The following SDK1 variants were observed in gnomAD, a reference collection of about 807,000 sequenced individuals.
The protein encoded by SDK1 is protein sidekick-1.
SDK1 carries 157 observed loss-of-function variants against 245.5 expected under a neutral mutation model. The observed-to-expected ratio is 0.64, with a 90% confidence interval of 0.56 to 0.73. SDK1 has a LOEUF of 0.73. Among genes scored for constraint, SDK1 ranks in the 30% least tolerant of loss-of-function variants. The probability of loss-of-function intolerance (pLI) is 0.00; values close to 1 mark genes in which losing one functional copy is unlikely to be tolerated. For synonymous variants in SDK1, 1,647 were observed against 1,278.5 expected, an observed-to-expected ratio of 1.29 and a Z score of -6.15; for missense variants, 3,583 against 3,002.3, an observed-to-expected ratio of 1.19 and a Z score of -4.52.
intron 1 of SDK1, among the ~76,000 whole-genome samples, chr7:3,556,719 G>T (rs1346350829): frequency 6.6e-6 from 1 of 152,156 alleles, no homozygotes; most frequent in Admixed American, 6.5e-5. Flanking sequence ...CTACTCTGGA[G>T]ACTGAGGCAG....
chr7:3,802,405 C>T (rs895968231), intron 4 of SDK1, among the ~76,000 whole-genome samples: 15 of 151,996 alleles, frequency 9.9e-5, no homozygotes, highest in Admixed American at 2.0e-4. Context: ...CATGGTGGCA[C>T]GCACCTGTAG....
intron 1 of SDK1, among the ~76,000 whole-genome samples, chr7:3,584,624 G>C (rs994083898): frequency 1.3e-5 from 2 of 152,150 alleles, no homozygotes; most frequent in Admixed American, 6.5e-5. Context: ...GCTTCTGAGA[G>C]AACTTTCCAG....
chr7:3,788,462 T>C (rs1188567349), intron 4 of SDK1, among the ~76,000 whole-genome samples: 3 of 152,164 alleles, frequency 2.0e-5, no homozygotes, highest in South Asian at 2.1e-4. Context: ...CCACCCAGTC[T>C]GCATTTGAAG....
chr7:3,871,439 A>T (rs1780954067), intron 5 of SDK1, among the ~76,000 whole-genome samples: 1 of 152,202 alleles, frequency 6.6e-6, no homozygotes, highest in African/African-American at 2.4e-5. Context: ...ACTGTAGTAC[A>T]GGGGATGTGT....
intron 1 of SDK1, among the ~76,000 whole-genome samples, chr7:3,427,268 C>A (rs1019061698): frequency 6.6e-6 from 1 of 151,962 alleles, no homozygotes; most frequent in Non-Finnish European, 1.5e-5. Flanking sequence ...ACCTGTAATC[C>A]CACACTTTGG....
chr7:4,178,405 T>G, intron 34 of SDK1, 80 bp from the exon 35 acceptor site: 1 of 1,022,192 alleles, frequency 9.8e-7, no homozygotes, highest in Non-Finnish European at 1.5e-6. Flanking sequence ...CCTTGCTTCA[T>G]TGTGGTTCAT....
At chr7:3,357,224 T>C (rs1487794195) in intron 1 of SDK1, among the ~76,000 whole-genome samples, 1 of 151,554 alleles carries the variant, frequency 6.6e-6, no homozygotes, top group Non-Finnish European at 1.5e-5. Context: ...TTCTAGAGAC[T>C]CTGGATGCTT....
chr7:3,955,484 T>C (rs992413030), intron 7 of SDK1, among the ~76,000 whole-genome samples: 7 of 152,200 alleles, frequency 4.6e-5, no homozygotes, highest in African/African-American at 1.4e-4. Context: ...AGAGTCCCTC[T>C]TGCCAAGTGA....
chr7:3,311,184 G>T (rs10254266), intron 1 of SDK1, among the ~76,000 whole-genome samples: 4 of 152,138 alleles, frequency 2.6e-5, no homozygotes, highest in African/African-American at 9.7e-5. Context: ...AGGGCGATGG[G>T]CCTGGGGGGA....
chr7:3,724,563 AACTGTACTAGGTCGACTATTAACAG>A (rs1379307422), intron 4 of SDK1, among the ~76,000 whole-genome samples: 1 of 152,216 alleles, frequency 6.6e-6, no homozygotes, highest in Non-Finnish European at 1.5e-5. Context: ...CCTAATATTG[AACTGTACTAGGTCGACTATTAACAG>A]ACTAAAAATG....
chr7:3,894,950 G>C (rs956070488), intron 5 of SDK1, among the ~76,000 whole-genome samples: 16 of 151,874 alleles, frequency 1.1e-4, no homozygotes, highest in African/African-American at 3.9e-4. Context: ...TGAAGTGCTG[G>C]GATTACAGGT....
chr7:4,166,698 C>G (rs1440799509), intron 32 of SDK1, among the ~76,000 whole-genome samples: 1 of 152,226 alleles, frequency 6.6e-6, no homozygotes, highest in Non-Finnish European at 1.5e-5. Flanking sequence ...AGCTTCCGGC[C>G]CGGGGGACCA....
At chr7:3,851,888 C>G (rs927501989) in intron 5 of SDK1, among the ~76,000 whole-genome samples, 1 of 152,168 alleles carries the variant, frequency 6.6e-6, no homozygotes, top group African/African-American at 2.4e-5. Context: ...GGTATATTCT[C>G]ATACCCCTGA....
At chr7:4,110,922 G>A (rs1187558944) in intron 23 of SDK1, 150 bp downstream of exon 23, 4 of 633,664 alleles carry the variant, frequency 6.3e-6, no homozygotes, top group East Asian at 2.8e-5. Context: ...TAAGGAGCAG[G>A]CGGGATGCAT....
At chr7:3,306,843 A>T (rs1220043562) in intron 1 of SDK1, among the ~76,000 whole-genome samples, 2 of 152,096 alleles carry the variant, frequency 1.3e-5, no homozygotes, top group African/African-American at 2.4e-5. Context: ...TGTCCCAGAG[A>T]TCAGAGACTG....
Position 3,701,990 on chromosome 7 carries a change from T to A in SDK1, c.713+59885T>A, listed in dbSNP as rs575111228. On this transcript the variant is annotated intron_variant, in intron 4 of 44. Transcript: ENST00000404826. ...CTTGACCTACACCCTAATCTTTATA[T>A]AAAAATTTACTTAAAGTGTGTTGGA... is the stretch of plus-strand genomic sequence containing the variant. Among the ~76,000 whole-genome samples the A allele has an allele frequency of 1.9e-3, 281 of 146,604 alleles. 3 individuals carry two copies. Among genetic ancestry groups the A allele is most frequent in the African/African-American group, 6.3e-3 (254 of 40,050 alleles).
intron 15 of SDK1, 147 bp downstream of exon 15, chr7:4,011,260 G>T (rs965070846): frequency 9.6e-7 from 1 of 1,042,420 alleles, no homozygotes; most frequent in Non-Finnish European, 1.4e-6. Context: ...AGAAAAGCCT[G>T]TCGCAAAGAG....
At position 3,817,640 on chromosome 7, in the gene SDK1, T is replaced by C. The variant is rs1296010265; in HGVS notation, c.714-3810T>C. 3.3e-5 allele frequency among the ~76,000 whole-genome samples: 5 copies of C among 152,284 alleles called. No individual in the cohort carries two copies. In the South Asian group the frequency reaches 8.3e-4, roughly 25 times the overall value. On this transcript the variant is annotated intron_variant, in intron 4 of 44. Transcript: ENST00000404826. ...TGGGGAAGGCCACAACCCCTGGCCA[T>C]GCAAACATAGCAGGGAGCTTCCCAG...
At chr7:3,403,220 C>A (rs1199099652) in intron 1 of SDK1, among the ~76,000 whole-genome samples, 1 of 152,178 alleles carries the variant, frequency 6.6e-6, no homozygotes, top group Non-Finnish European at 1.5e-5. Flanking sequence ...AGGTGTGAGT[C>A]ACCATGCCTG....
Sources: allele counts gnomAD v4.1 joint callset (sites outside exome capture counted in the v4.1 genomes callset), GRCh38; gene constraint gnomAD v4.1.1; transcripts MANE v1.5; gene names NCBI Gene and HGNC (gene_info 2026-07-23, HGNC 2026-07-21).